Variants in SPHKAP observed in about 807,000 individuals in gnomAD.
SPHKAP encodes SPHK1 interactor, AKAP domain containing.
A neutral mutation model predicts 137.5 loss-of-function variants in SPHKAP; 67 were observed. The observed-to-expected ratio is 0.49, with a 90% CI of 0.40 to 0.60. SPHKAP has a LOEUF of 0.60. Ranked by LOEUF, SPHKAP falls within the 20% of genes least tolerant of loss-of-function variation. The pLI is 0.00. For synonymous variants in SPHKAP, 813 were observed against 785.3 expected (o/e 1.04, Z -0.59); for missense variants, 2,097 against 2,069.3 (o/e 1.01, Z -0.26).
chr2:228,112,800 C>A (rs1371747537), intron 2 of SPHKAP, among the ~76,000 whole-genome samples: 1 of 151,992 alleles, frequency 6.6e-6, no homozygotes, highest in Non-Finnish European at 1.5e-5. Context: ...TTTTTTTGAA[C>A]CTATTTTAAA....
chr2:228,027,372 A>G (rs1695085055), intron 4 of SPHKAP, 112 bp downstream of exon 4: 1 of 1,135,732 alleles, frequency 8.8e-7, no homozygotes, highest in Admixed American at 1.9e-5. Flanking sequence ...ATGGCCTGTA[A>G]TGAAACTATC....
At chr2:228,052,856 C>T (rs573269482) in intron 3 of SPHKAP, among the ~76,000 whole-genome samples, 2 of 152,050 alleles carry the variant, frequency 1.3e-5, no homozygotes, top group South Asian at 2.1e-4. Context: ...GATTTGAGGC[C>T]CCTGAGTGGT....
At chr2:228,049,814 C>A (rs776340589) in intron 3 of SPHKAP, among the ~76,000 whole-genome samples, 2 of 152,096 alleles carry the variant, frequency 1.3e-5, no homozygotes, top group South Asian at 4.2e-4. Context: ...CATGTTGCTG[C>A]AAAAATATAA....
At chr2:228,180,723 G>T (rs1479449591) in intron 1 of SPHKAP, among the ~76,000 whole-genome samples, 1 of 152,176 alleles carries the variant, frequency 6.6e-6, no homozygotes, top group Non-Finnish European at 1.5e-5. Flanking sequence ...CTGCCCGGCT[G>T]GGGGAGCAGG....
chr2:228,046,399 T>C (rs530867318), intron 3 of SPHKAP, among the ~76,000 whole-genome samples: 1 of 148,658 alleles, frequency 6.7e-6, no homozygotes, highest in South Asian at 2.2e-4. Context: ...TTTTAGGCAA[T>C]GACTTTTAGG....
At chr2:228,083,935 G>A (rs1237716298) in intron 3 of SPHKAP, among the ~76,000 whole-genome samples, 1 of 151,936 alleles carries the variant, frequency 6.6e-6, no homozygotes, top group Non-Finnish European at 1.5e-5. Flanking sequence ...CCTGTTGTGG[G>A]GTGCAGGGCA....
rs1446612960 is a variant in SPHKAP at position 228,017,985 on chromosome 2, G to T, written c.2869C>A (p.Pro957Thr). The T allele has an allele frequency of 5.0e-6, 8 of 1,613,994 alleles. No individual in the cohort carries two copies. Among genetic ancestry groups the T allele is most frequent in the Non-Finnish European group, 6.8e-6 (8 of 1,180,030 alleles). The change falls in exon 7 of 12, where the codon CCC (proline) becomes ACC (threonine). Residue 957 changes from proline to threonine, a missense_variant. Coordinates refer to ENST00000392056, the MANE Select transcript of SPHKAP (RefSeq NM_001142644.2). The part of the protein sequence containing the change: ...ICLDNSSGKQ[P>T]WFCAWKRGSE... ...CCTCTTTTCCATGCACAAAACCAGG[G>T]TTGTTTTCCACTGGAGTTGTCAAGG...
chr2:228,092,410 TATATAC>T lies in SPHKAP; in HGVS notation c.246+16416_246+16421del, dbSNP rs199500177. ...ATATACATATATACACATATACACA[TATATAC>T]ATATATACATATATGTATATATGTG... On this transcript the variant is annotated intron_variant, in intron 3 of 11. Transcript: ENST00000392056. Among the ~76,000 whole-genome samples the T allele has an allele frequency of 7.4e-3, 704 of 95,532 alleles. 44 individuals are homozygous for T. Among genetic ancestry groups the T allele is most frequent in the African/African-American group, 0.029 (633 of 21,970 alleles). The allele number at this position is 95,532 out of a possible 152,430, so 62.7% of individuals were successfully genotyped here. A position where few individuals can be genotyped will look rare whatever the true frequency, so the allele number is the denominator to read the frequency against.
At chr2:228,178,264 T>G (rs1189409360) in intron 1 of SPHKAP, among the ~76,000 whole-genome samples, 1 of 152,178 alleles carries the variant, frequency 6.6e-6, no homozygotes, top group African/African-American at 2.4e-5. Flanking sequence ...TACATAGAAT[T>G]TATATGGATT....
At chr2:228,113,645 CTCTCTG>C (rs1334198007) in intron 2 of SPHKAP, among the ~76,000 whole-genome samples, 2 of 143,936 alleles carry the variant, frequency 1.4e-5, no homozygotes, top group Non-Finnish European at 3.1e-5. Flanking sequence ...CTCTCTCTCT[CTCTCTG>C]AGCTCAGGTG....
intron 1 of SPHKAP, among the ~76,000 whole-genome samples, chr2:228,138,233 C>A (rs1699494598): frequency 2.6e-5 from 4 of 152,116 alleles, no homozygotes. Flanking sequence ...TGTTGACATC[C>A]CCTCTTAGTA....
Position 228,045,631 on chromosome 2 carries a change from G to T in SPHKAP, c.247-18088C>A, listed in dbSNP as rs1696015893. On this transcript the variant is annotated intron_variant, in intron 3 of 11. Coordinates refer to ENST00000392056, the MANE Select transcript of SPHKAP (RefSeq NM_001142644.2). Reference sequence around the variant, plus strand: ...GGGGAGCGGGGAGGGATAGCATTAGGAGATATACCTAATGCTAAATGACGA... The same window carrying T: ...GGGGAGCGGGGAGGGATAGCATTAGTAGATATACCTAATGCTAAATGACGA... Among the ~76,000 whole-genome samples the T allele has an allele frequency of 6.6e-5, 10 of 151,864 alleles. 1 individual carries two copies. The South Asian group carries it at 2.1e-3, about 32-fold the overall frequency.
intron 1 of SPHKAP, among the ~76,000 whole-genome samples, chr2:228,177,151 C>T (rs1171600635): frequency 6.6e-6 from 1 of 151,734 alleles, no homozygotes; most frequent in African/African-American, 2.4e-5. Flanking sequence ...GCCCATAAAA[C>T]TTGCCAGTAT....
intron 3 of SPHKAP, among the ~76,000 whole-genome samples, chr2:228,046,622 C>T (rs1696067358): frequency 6.6e-6 from 1 of 152,084 alleles, no homozygotes; most frequent in Admixed American, 6.6e-5. Context: ...TTGTTTCTTT[C>T]ATATTTCAAT....
intron 3 of SPHKAP, among the ~76,000 whole-genome samples, chr2:228,033,013 T>C (rs1021409275): frequency 2.0e-5 from 3 of 152,066 alleles, no homozygotes; most frequent in East Asian, 3.9e-4. Context: ...GACAGGACCA[T>C]ATACACACAT....
At chr2:228,146,974 CCAT>C (rs1699795512) in intron 1 of SPHKAP, among the ~76,000 whole-genome samples, 1 of 152,198 alleles carries the variant, frequency 6.6e-6, no homozygotes, top group Non-Finnish European at 1.5e-5. Context: ...GTACCAATCT[CCAT>C]CTTAAGGCAC....
chr2:228,140,106 G>A (rs914382183), intron 1 of SPHKAP, among the ~76,000 whole-genome samples: 2 of 151,434 alleles, frequency 1.3e-5, no homozygotes, highest in Admixed American at 6.6e-5. Context: ...CACCATGCCC[G>A]GCTAATTTTT....
In SPHKAP at chr2:228,064,389, C is replaced by T. The variant is rs183246790; in HGVS notation, c.247-36846G>A. ...AAAGTTTCAGATCAATTTTTAGTGA[C>T]GTATAATGTAGCCATTTAATAATGT... On this transcript the variant is annotated intron_variant, in intron 3 of 11. Transcript: ENST00000392056. 6.2e-4 allele frequency among the ~76,000 whole-genome samples: 94 copies of T among 152,196 alleles called. No individual in the cohort carries two copies. The East Asian group carries it at 7.7e-3, about 13-fold the overall frequency.
chr2:228,036,784 C>G (rs948195404), intron 3 of SPHKAP, among the ~76,000 whole-genome samples: 1 of 149,974 alleles, frequency 6.7e-6, no homozygotes, highest in Non-Finnish European at 1.5e-5. Flanking sequence ...ATCGCAAGGA[C>G]AAAAAACCAG....
Sources: allele counts gnomAD v4.1 joint callset (sites outside exome capture counted in the v4.1 genomes callset), GRCh38; gene constraint gnomAD v4.1.1; transcripts MANE v1.5; gene names NCBI Gene and HGNC (gene_info 2026-07-23, HGNC 2026-07-21).